The following VPS13B variants were observed in gnomAD, a reference collection of about 807,000 sequenced individuals.
The protein encoded by VPS13B is vacuolar protein sorting 13 homolog B.
Under a neutral mutation model 426.4 loss-of-function variants are expected in VPS13B, and 285 were observed. The observed-to-expected ratio is 0.67, with a 90% CI of 0.61 to 0.74. The LOEUF (loss-of-function observed/expected upper bound fraction) is 0.74, where lower values mean the gene tolerates loss of function less well. VPS13B is among the 30% of genes least tolerant of loss of function. The pLI is 0.00. For synonymous variants in VPS13B, 1,676 were observed against 1,676.4 expected (o/e 1.00, Z 0.01); for missense variants, 4,537 against 4,782.6 (o/e 0.95, Z 1.51).
At chr8:99,472,575 A>G (rs1003019733) in intron 24 of VPS13B, among the ~76,000 whole-genome samples, 3 of 151,978 alleles carry the variant, frequency 2.0e-5, no homozygotes, top group Non-Finnish European at 4.4e-5. Flanking sequence ...GACATATTAG[A>G]AAGGAAGAAA....
chr8:99,765,373 G>GT (rs1811164375), intron 39 of VPS13B, among the ~76,000 whole-genome samples: 1 of 152,204 alleles, frequency 6.6e-6, no homozygotes, highest in African/African-American at 2.4e-5. Flanking sequence ...TATTGGTGAA[G>GT]TTGAGTATCT....
At chr8:99,059,229 T>C (rs6993878) in intron 3 of VPS13B, among the ~76,000 whole-genome samples, 125,733 of 152,192 alleles carry the variant, frequency 0.83, 52,453 homozygotes, top group South Asian at 0.89. Flanking sequence ...TTCTGCTTCC[T>C]GGGTTCAAGT....
intron 19 of VPS13B, among the ~76,000 whole-genome samples, chr8:99,370,465 A>C (rs562793836): frequency 6.6e-6 from 1 of 152,292 alleles, no homozygotes; most frequent in Non-Finnish European, 1.5e-5. Flanking sequence ...ATCAGCTTGT[A>C]TACAGCTTTG....
intron 39 of VPS13B, among the ~76,000 whole-genome samples, chr8:99,740,010 G>A (rs951300085): frequency 9.9e-5 from 15 of 152,018 alleles, no homozygotes; most frequent in Non-Finnish European, 1.8e-4. Flanking sequence ...GGCTTCAGAC[G>A]ATCAAACTAC....
chr8:99,793,363 A>G (rs1404471610), intron 43 of VPS13B, among the ~76,000 whole-genome samples: 2 of 151,114 alleles, frequency 1.3e-5, no homozygotes, highest in African/African-American at 4.9e-5. Flanking sequence ...ACAAAGATAA[A>G]GAGAAAATTT....
intron 40 of VPS13B, among the ~76,000 whole-genome samples, chr8:99,768,509 T>G (rs1179177665): frequency 1.3e-5 from 2 of 152,214 alleles, no homozygotes; most frequent in African/African-American, 4.8e-5. Flanking sequence ...TTGAAGAACA[T>G]TTGGAAAATA....
intron 23 of VPS13B, among the ~76,000 whole-genome samples, chr8:99,450,378 C>T (rs1818126939): frequency 2.6e-5 from 4 of 152,084 alleles, no homozygotes; most frequent in African/African-American, 7.2e-5. Context: ...ATATTACTCC[C>T]ACCATCTGAC....
intron 19 of VPS13B, among the ~76,000 whole-genome samples, chr8:99,308,264 C>T (rs1312742296): frequency 1.1e-4 from 17 of 151,788 alleles, no homozygotes; most frequent in South Asian, 2.1e-4. Flanking sequence ...TGCACCACGT[C>T]GGTGTGCTGC....
intron 58 of VPS13B, among the ~76,000 whole-genome samples, chr8:99,867,793 ATAAT>A (rs61166367): frequency 2.6e-4 from 40 of 152,346 alleles, no homozygotes; most frequent in Admixed American, 1.3e-4. Flanking sequence ...TACTATATCA[ATAAT>A]TACTCTTAAG....
intron 19 of VPS13B, among the ~76,000 whole-genome samples, chr8:99,349,352 A>G (rs1811738279): frequency 1.3e-5 from 2 of 150,038 alleles, no homozygotes; most frequent in Admixed American, 1.3e-4. Context: ...AAAAAAAAAA[A>G]AAAGAAAATA....
At chr8:99,211,901 A>AT (rs879427231) in intron 17 of VPS13B, among the ~76,000 whole-genome samples, 9 of 150,882 alleles carry the variant, frequency 6.0e-5, no homozygotes, top group South Asian at 4.2e-4. Flanking sequence ...TTTAATTTTA[A>AT]TTTTTTTTTG....
intron 29 of VPS13B, among the ~76,000 whole-genome samples, chr8:99,513,957 A>C (rs1821924026): frequency 6.6e-6 from 1 of 152,210 alleles, no homozygotes; most frequent in South Asian, 2.1e-4. Flanking sequence ...TTGTCTTAAA[A>C]TATCTTATCT....
At chr8:99,463,800 C>G (rs555654516) in intron 23 of VPS13B, among the ~76,000 whole-genome samples, 2 of 152,276 alleles carry the variant, frequency 1.3e-5, no homozygotes, top group East Asian at 3.9e-4. Context: ...TTAAGCAATT[C>G]TCCTGCCTCA....
At chr8:99,366,114 G>A (rs1370592855) in intron 19 of VPS13B, among the ~76,000 whole-genome samples, 1 of 151,918 alleles carries the variant, frequency 6.6e-6, no homozygotes, top group East Asian at 1.9e-4. Flanking sequence ...AGGTCCATTT[G>A]GTCTACAGTG....
chr8:99,312,997 G>A (rs943767590), intron 19 of VPS13B, among the ~76,000 whole-genome samples: 10 of 152,114 alleles, frequency 6.6e-5, no homozygotes, highest in African/African-American at 9.7e-5. Context: ...CGTAGTTCTC[G>A]TGCCATGTTT....
rs61747540 is a variant in VPS13B at position 99,233,114 on chromosome 8, C to G, written c.2515+40057C>G. 12,851 of 1,358,624 alleles carry G rather than the reference C, an allele frequency of 9.5e-3. 94 individuals are homozygous for G. Among genetic ancestry groups the G allele is most frequent in the South Asian group, 0.012 (991 of 85,652 alleles). The allele number at this position is 1,358,624 out of a possible 1,614,324, so 84.2% of individuals were successfully genotyped here. A position where few individuals can be genotyped will look rare whatever the true frequency, so the allele number is the denominator to read the frequency against. On this transcript the variant is annotated intron_variant, in intron 17 of 61. Transcript: ENST00000357162. ...TACTCCTGCTGCTTCACCTCTTGTA[C>G]AGTTTCCCTGATACTGCGCTGTGCA... is the stretch of plus-strand genomic sequence containing the variant.
intron 19 of VPS13B, among the ~76,000 whole-genome samples, chr8:99,311,316 A>C (rs1395768716): frequency 2.0e-5 from 3 of 152,098 alleles, no homozygotes; most frequent in African/African-American, 7.2e-5. Flanking sequence ...TAGTGCTATA[A>C]ATTTCCCTCT....
chr8:99,169,349 GTTTC>G (rs1056876251), intron 15 of VPS13B, among the ~76,000 whole-genome samples: 2 of 151,886 alleles, frequency 1.3e-5, no homozygotes, highest in Admixed American at 6.6e-5. Context: ...ATGTTATGTT[GTTTC>G]TTTCTATTAT....
At chr8:99,869,312 C>T (rs1048278824) in intron 59 of VPS13B, among the ~76,000 whole-genome samples, 5 of 152,170 alleles carry the variant, frequency 3.3e-5, no homozygotes, top group African/African-American at 9.7e-5. Context: ...CCATAAAGCC[C>T]ATGGGATGTG....
Sources: gnomAD v4.1 joint callset for allele counts (sites outside exome capture counted in the v4.1 genomes callset) on GRCh38, gnomAD v4.1.1 for gene constraint, MANE v1.5 for transcripts, NCBI Gene and HGNC (gene_info 2026-07-23, HGNC 2026-07-21) for gene names.